The following GPR155 variants were observed in gnomAD, a reference collection of about 807,000 sequenced individuals.
GPR155 encodes the protein G protein-coupled receptor 155.
GPR155 carries 65 observed loss-of-function variants against 93.1 expected under a neutral mutation model. The ratio of observed to expected loss-of-function variants is 0.70; its 90% CI spans 0.57 to 0.86. GPR155 has a LOEUF of 0.86. Ranked by LOEUF, GPR155 falls within the 40% of genes least tolerant of loss-of-function variation. The pLI, the probability that GPR155 is intolerant of heterozygous loss-of-function variation, is 0.00. For synonymous variants in GPR155, 319 were observed against 360.1 expected, an observed-to-expected ratio of 0.89 and a Z score of 1.29; for missense variants, 838 against 1,034.8, an observed-to-expected ratio of 0.81 and a Z score of 2.61.
intron 2 of GPR155, among the ~76,000 whole-genome samples, chr2:174,477,087 T>C (rs1279871016): frequency 6.6e-6 from 1 of 152,238 alleles, no homozygotes; most frequent in Non-Finnish European, 1.5e-5. Context: ...TAAACATGTA[T>C]TTTCTAATAC....
intron 11 of GPR155, among the ~76,000 whole-genome samples, chr2:174,450,744 A>G (rs1687294206): frequency 6.6e-6 from 1 of 152,226 alleles, no homozygotes; most frequent in Non-Finnish European, 1.5e-5. Flanking sequence ...TCAGTGATTA[A>G]AAACCACAAT....
At chr2:174,484,905 C>T (rs1349753095) in intron 1 of GPR155, among the ~76,000 whole-genome samples, 1 of 152,028 alleles carries the variant, frequency 6.6e-6, no homozygotes, top group Non-Finnish European at 1.5e-5. Context: ...TGAGTAAGAC[C>T]CTGTCTCAAA....
chr2:174,441,750 TGC>T lies in GPR155; in HGVS notation c.2174+367_2174+368del, dbSNP rs1291760693. On this transcript the variant is annotated intron_variant, in intron 14 of 15. Coordinates refer to ENST00000392552, the MANE Select transcript of GPR155 (RefSeq NM_152529.7). ...GTGTGTGTGTGTGTGTGTGTGTGTGTGCGTGTGTGTGTGACAGGATCTTGCTC... is the reference window on the plus strand; with the variant it reads ...GTGTGTGTGTGTGTGTGTGTGTGTGTGTGTGTGTGTGACAGGATCTTGCTC... Among the ~76,000 whole-genome samples the T allele has an allele frequency of 6.4e-5, 9 of 140,512 alleles. No individual in the cohort carries two copies. The South Asian group carries it at 7.0e-4, about 11-fold the overall frequency. 92.2% of individuals were successfully genotyped at this position (140,512 alleles called of 152,430 possible).
chr2:174,475,906 A>T, intron 2 of GPR155, among the ~76,000 whole-genome samples: 1 of 152,198 alleles, frequency 6.6e-6, no homozygotes, highest in East Asian at 1.9e-4. Flanking sequence ...TTTTCCTTTG[A>T]CAACACAGCT....
At position 174,438,057 on chromosome 2, in the gene GPR155, C is replaced by A. The variant is rs186954749; in HGVS notation, c.2313-1641G>T. Among the ~76,000 whole-genome samples the A allele has an allele frequency of 3.5e-3, 525 of 151,688 alleles. 3 individuals carry two copies. Among genetic ancestry groups the A allele is most frequent in the African/African-American group, 0.012 (505 of 41,392 alleles). ...ATCACTTGAGCTCAGGAGTTTGAGA[C>A]CAGCCTGGCCAACATGGCAAAACTC... is the stretch of plus-strand genomic sequence containing the variant. On this transcript the variant is annotated intron_variant, in intron 15 of 15. Transcript: ENST00000392552.
intron 1 of GPR155, among the ~76,000 whole-genome samples, chr2:174,484,264 A>G (rs1444935118): frequency 2.0e-5 from 3 of 152,366 alleles, no homozygotes; most frequent in African/African-American, 7.2e-5. Flanking sequence ...TGGGAAAGCT[A>G]CCGGTTGGTA....
chr2:174,481,504 G>A lies in GPR155; in HGVS notation c.453C>T (p.Tyr151=). The A allele has an allele frequency of 6.3e-7, 1 of 1,579,670 alleles. No homozygotes were observed. Among genetic ancestry groups the A allele is most frequent in the Middle Eastern group, 2.3e-4 (1 of 4,432 alleles). ...AAATAAAAATTAACTTACCTATAGG[G>A]TATCCCAATGCAAAGTCATTACTTT... is the stretch of plus-strand genomic sequence containing the variant. The part of the protein sequence containing the change: ...ATQSNDFALG[Y]PIVEALYQTT... The change falls in exon 2 of 16, where the codon TAC becomes TAT. Residue 151 remains tyrosine, a synonymous_variant. Coordinates refer to ENST00000392552, the MANE Select transcript of GPR155 (RefSeq NM_152529.7).
At position 174,453,711 on chromosome 2, in the gene GPR155, C is replaced by T. The variant is rs769637076; in HGVS notation, c.1876+26G>A. On this transcript the variant is annotated intron_variant, in intron 11 of 15. Transcript: ENST00000392552. ...TAAGGAATCTTCTGTCCCTTAATCC[C>T]ATCCTCATAGTCCAGAGGCACTTAC... 4 of 1,131,960 alleles carry T rather than the reference C, an allele frequency of 3.5e-6. No homozygotes were observed. In the East Asian group the frequency reaches 9.3e-5, roughly 26 times the overall value. The allele number at this position is 1,131,960 out of a possible 1,614,324, so 70.1% of individuals were successfully genotyped here.
intron 10 of GPR155, among the ~76,000 whole-genome samples, chr2:174,455,699 A>C (rs1371925209): frequency 6.6e-6 from 1 of 152,176 alleles, no homozygotes; most frequent in East Asian, 1.9e-4. Flanking sequence ...CCTCAAGGGG[A>C]AACAGCAGAG....
intron 11 of GPR155, among the ~76,000 whole-genome samples, chr2:174,450,416 T>G (rs1687284698): frequency 6.6e-6 from 1 of 152,140 alleles, no homozygotes; most frequent in African/African-American, 2.4e-5. Flanking sequence ...ACCCCAAACC[T>G]CAGCATCACA....
intron 13 of GPR155, among the ~76,000 whole-genome samples, chr2:174,442,401 T>C (rs2105669923): frequency 6.6e-6 from 1 of 152,276 alleles, no homozygotes. Context: ...TGATGGGTGA[T>C]ACAAACCAGG....
At chr2:174,444,687 G>A (rs949690122) in intron 13 of GPR155, among the ~76,000 whole-genome samples, 1 of 151,670 alleles carries the variant, frequency 6.6e-6, no homozygotes, top group African/African-American at 2.4e-5. Context: ...GTAGAGATGG[G>A]GTTTCACCAT....
chr2:174,472,783 A>G (rs1265837446), intron 3 of GPR155, among the ~76,000 whole-genome samples, 182 bp downstream of exon 3: 1 of 152,214 alleles, frequency 6.6e-6, no homozygotes, highest in Non-Finnish European at 1.5e-5. Context: ...AGAATAAGCT[A>G]CTGGGAATAA....
chr2:174,467,198 CA>C (rs544972072), intron 5 of GPR155, among the ~76,000 whole-genome samples: 5 of 150,840 alleles, frequency 3.3e-5, no homozygotes, highest in African/African-American at 9.7e-5. Flanking sequence ...CAAAGCAAAA[CA>C]AAAAAAAACT....
intron 13 of GPR155, 85 bp from the exon 14 acceptor site, chr2:174,442,268 T>C: frequency 1.3e-6 from 1 of 771,498 alleles, no homozygotes; most frequent in Middle Eastern, 3.3e-4. Flanking sequence ...CCAAATTTAG[T>C]GTTTGAGGAG....
chr2:174,436,757 T>C (rs1275577498), intron 15 of GPR155, among the ~76,000 whole-genome samples: 2 of 152,242 alleles, frequency 1.3e-5, no homozygotes, highest in Non-Finnish European at 2.9e-5. Context: ...ATATGACATA[T>C]TTTATAATTT....
At chr2:174,444,600 CT>C (rs1687062727) in intron 13 of GPR155, among the ~76,000 whole-genome samples, 1 of 145,578 alleles carries the variant, frequency 6.9e-6, no homozygotes, top group Admixed American at 7.3e-5. Flanking sequence ...TCAAGTGATT[CT>C]TGTGCCTCAG....
intron 1 of GPR155, among the ~76,000 whole-genome samples, chr2:174,486,646 C>G (rs924124740): frequency 1.3e-5 from 2 of 152,132 alleles, no homozygotes; most frequent in African/African-American, 4.8e-5. Context: ...CCGGAGGGGA[C>G]GAGACACCCC....
At chr2:174,480,978 CCT>C (rs1688301585) in intron 2 of GPR155, among the ~76,000 whole-genome samples, 1 of 151,994 alleles carries the variant, frequency 6.6e-6, no homozygotes, top group African/African-American at 2.4e-5. Context: ...GAGGTTTCAC[CCT>C]GTTGCCCAGG....
Sources: gnomAD v4.1 joint callset for allele counts (sites outside exome capture counted in the v4.1 genomes callset) on GRCh38, gnomAD v4.1.1 for gene constraint, MANE v1.5 for transcripts, NCBI Gene and HGNC (gene_info 2026-07-23, HGNC 2026-07-21) for gene names.